GALNT10: variants seen among roughly 807,000 people sequenced by gnomAD.
GALNT10 encodes the protein polypeptide N-acetylgalactosaminyltransferase 10, also known as GalNAc transferase 10.
GALNT10 carries 41 observed loss-of-function variants against 75.0 expected under a neutral mutation model. The observed-to-expected ratio is 0.55, with a 90% CI of 0.43 to 0.71. The LOEUF (loss-of-function observed/expected upper bound fraction) is 0.71. Ranked by LOEUF, GALNT10 falls within the 30% of genes least tolerant of loss-of-function variation. GALNT10 has a pLI of 0.00. For missense variants in GALNT10, 727 were observed against 818.5 expected, an observed-to-expected ratio of 0.89 and a Z score of 1.36; for synonymous variants, 302 against 313.0, an observed-to-expected ratio of 0.96 and a Z score of 0.37.
At chr5:154,363,451 T>C (rs1462658422) in intron 4 of GALNT10, among the ~76,000 whole-genome samples, 2 of 137,866 alleles carry the variant, frequency 1.5e-5, no homozygotes, top group African/African-American at 5.5e-5. Context: ...GTCTGAATCT[T>C]CAAGGCATAT....
intron 1 of GALNT10, among the ~76,000 whole-genome samples, chr5:154,193,864 T>A (rs1424905017): frequency 2.0e-5 from 3 of 152,186 alleles, no homozygotes; most frequent in African/African-American, 7.2e-5. Flanking sequence ...TGGAGCTGGG[T>A]GGGATAGCTG....
intron 1 of GALNT10, among the ~76,000 whole-genome samples, chr5:154,236,388 T>C (rs750480447): frequency 5.3e-5 from 8 of 152,244 alleles, no homozygotes; most frequent in Non-Finnish European, 1.2e-4. Context: ...TCACACTAAA[T>C]GTATCCATCT....
rs78032270 is a variant in GALNT10, at chr5:154,244,103, T to C, written c.160-50713T>C. On this transcript the variant is annotated intron_variant, in intron 1 of 11. Coordinates refer to ENST00000297107, the MANE Select transcript of GALNT10 (RefSeq NM_198321.4). ...AAGCACTTAGTTTTCATTGCCATGT[T>C]CCGCAACCTGCAAGGGATGAGAAGG... Among the ~76,000 whole-genome samples the C allele has an allele frequency of 3.5e-4, 53 of 152,318 alleles. 1 individual carries two copies. The East Asian group carries it at 8.1e-3, about 23-fold the overall frequency.
rs912943305 is a variant in GALNT10, at chr5:154,416,441, T to G, written c.1654-373T>G. On this transcript the variant is annotated intron_variant, in intron 11 of 11. Transcript: ENST00000297107. The surrounding 1 kb of genome is among the most constrained non-coding windows in gnomAD (Gnocchi z 4.5). ...GAGTGAGAACCTGTCTCAAAAAAATTAAAAAAATTAAAAAAATAAAAGATA... is the reference window on the plus strand; with the variant it reads ...GAGTGAGAACCTGTCTCAAAAAAATGAAAAAAATTAAAAAAATAAAAGATA... 3.1e-5 allele frequency among the ~76,000 whole-genome samples: 4 copies of G among 129,492 alleles called. No individual in the cohort carries two copies. The South Asian group carries it at 7.4e-4, about 24-fold the overall frequency. 85.0% of individuals were successfully genotyped at this position (129,492 alleles called of 152,430 possible).
chr5:154,226,764 C>T (rs1446567947), intron 1 of GALNT10, among the ~76,000 whole-genome samples: 1 of 152,160 alleles, frequency 6.6e-6, no homozygotes, highest in African/African-American at 2.4e-5. Context: ...AACATCACCA[C>T]CTCAAGAAAA....
intron 1 of GALNT10, among the ~76,000 whole-genome samples, chr5:154,279,299 G>GTTTTTT (rs1398081050): frequency 1.1e-5 from 1 of 90,904 alleles, no homozygotes; most frequent in Non-Finnish European, 2.5e-5. Flanking sequence ...TGTTGTTGTT[G>GTTTTTT]TTTTGTTTTT....
At chr5:154,363,148 A>G (rs948862199) in intron 4 of GALNT10, among the ~76,000 whole-genome samples, 6 of 152,222 alleles carry the variant, frequency 3.9e-5, no homozygotes, top group African/African-American at 1.2e-4. Flanking sequence ...CAACTGGACA[A>G]AACAGGTTTC....
chr5:154,395,338 A>T (rs1755994230), intron 7 of GALNT10, among the ~76,000 whole-genome samples: 1 of 152,210 alleles, frequency 6.6e-6, no homozygotes, highest in South Asian at 2.1e-4. Flanking sequence ...TCTAGTGCAA[A>T]TTCAATGAGC....
intron 1 of GALNT10, among the ~76,000 whole-genome samples, chr5:154,263,659 G>A (rs1158646495): frequency 2.0e-5 from 3 of 152,136 alleles, no homozygotes; most frequent in South Asian, 2.1e-4. Flanking sequence ...ATGAGGGCCC[G>A]CTTTCTAGTT....
At chr5:154,395,667 C>G (rs1202951665) in intron 7 of GALNT10, among the ~76,000 whole-genome samples, 2 of 152,202 alleles carry the variant, frequency 1.3e-5, no homozygotes, top group African/African-American at 4.8e-5. Flanking sequence ...CTCATCTGCC[C>G]TTTCTCCTGA....
At position 154,335,943 on chromosome 5, in the gene GALNT10, A is replaced by T. The variant is rs190085544; in HGVS notation, c.568+6205A>T. On this transcript the variant is annotated intron_variant, in intron 4 of 11. Transcript: ENST00000297107. ...CCATATGACGTATAGCATCATACAG[A>T]GTAGTTTCACTGCCCTAAAAATCCT... 3.0e-4 allele frequency among the ~76,000 whole-genome samples: 46 copies of T among 152,348 alleles called. No homozygotes were observed. The East Asian group carries it at 7.7e-3, about 26-fold the overall frequency.
chr5:154,248,122 T>C (rs981246215), intron 1 of GALNT10, among the ~76,000 whole-genome samples: 8 of 152,226 alleles, frequency 5.3e-5, no homozygotes, highest in Non-Finnish European at 1.0e-4. Context: ...ATTTATTGAT[T>C]TTCCTATGTT....
chr5:154,228,144 C>G (rs59260745), intron 1 of GALNT10, among the ~76,000 whole-genome samples: 2,256 of 152,274 alleles, frequency 0.015, 45 homozygotes, highest in African/African-American at 0.052. Context: ...GATGCTGGCA[C>G]CATGCTTCCT....
Position 154,197,927 on chromosome 5 carries a change from C to A in GALNT10, c.159+6902C>A, listed in dbSNP as rs146785194. 6.1e-3 allele frequency among the ~76,000 whole-genome samples: 932 copies of A among 152,248 alleles called. 9 individuals are homozygous for A. Among genetic ancestry groups the A allele is most frequent in the African/African-American group, 0.021 (873 of 41,534 alleles). On this transcript the variant is annotated intron_variant, in intron 1 of 11. Coordinates refer to ENST00000297107, the MANE Select transcript of GALNT10 (RefSeq NM_198321.4). ...TGACCTAGTGCTGAGTCCTTAACCA[C>A]CATACTTCCTCCATATCTGAGCAGG... is the stretch of plus-strand genomic sequence containing the variant.
intron 1 of GALNT10, among the ~76,000 whole-genome samples, chr5:154,291,912 C>A (rs1754200097): frequency 6.6e-6 from 1 of 152,196 alleles, no homozygotes; most frequent in South Asian, 2.1e-4. Context: ...CGTGCCCCAT[C>A]CACACAGCCC....
At chr5:154,337,879 G>A in intron 4 of GALNT10, 1 of 1,201,130 alleles carries the variant, frequency 8.3e-7, no homozygotes, top group Non-Finnish European at 1.2e-6. Flanking sequence ...GGTATCTCTT[G>A]CTTTGACAGG....
At chr5:154,233,911 A>G (rs1270324534) in intron 1 of GALNT10, among the ~76,000 whole-genome samples, 3 of 152,152 alleles carry the variant, frequency 2.0e-5, no homozygotes, top group South Asian at 2.1e-4. Flanking sequence ...TTATCTGACC[A>G]GATGTCCTGA....
At chr5:154,329,430 AC>A in intron 3 of GALNT10, 141 bp from the exon 4 acceptor site, 2 of 647,338 alleles carry the variant, frequency 3.1e-6, no homozygotes, top group Admixed American at 5.1e-5. Flanking sequence ...TTCCTGTGTG[AC>A]CAAGGTATCC....
At chr5:154,320,367 G>T (rs1185752976) in intron 3 of GALNT10, among the ~76,000 whole-genome samples, 1 of 152,158 alleles carries the variant, frequency 6.6e-6, no homozygotes, top group Non-Finnish European at 1.5e-5. Context: ...CTAACTGCAG[G>T]CTGTGGGGCC....
Sources: gnomAD v4.1 joint callset for allele counts (sites outside exome capture counted in the v4.1 genomes callset) on GRCh38, gnomAD v4.1.1 for gene constraint, Gnocchi (gnomAD v3.1) non-coding constraint, MANE v1.5 for transcripts, NCBI Gene and HGNC (gene_info 2026-07-23, HGNC 2026-07-21) for gene names.